Variants in AP2B1 observed in about 807,000 individuals in gnomAD.
AP2B1 encodes the protein adaptor related protein complex 2 subunit beta 1, also known as AP-2 complex subunit beta.
In AP2B1, 23 loss-of-function variants were observed where a neutral mutation model predicts 102.0. That is an observed-to-expected ratio of 0.23 (90% CI 0.16 to 0.32). AP2B1 has a LOEUF of 0.32. Among genes scored for constraint, AP2B1 ranks in the 10% least tolerant of loss-of-function variants. The pLI is 1.00. For synonymous variants in AP2B1, 381 were observed against 421.2 expected (o/e 0.90, Z 1.17); for missense variants, 541 against 1,157.4 (o/e 0.47, Z 7.73).
intron 2 of AP2B1, among the ~76,000 whole-genome samples, chr17:35,596,078 C>T (rs191783454): frequency 3.9e-5 from 6 of 152,116 alleles, no homozygotes; most frequent in Admixed American, 6.6e-5. Flanking sequence ...ATTGTGTTCC[C>T]TGTACTTCCT....
At chr17:35,647,665 G>T (rs528854313) in intron 12 of AP2B1, among the ~76,000 whole-genome samples, 1 of 152,108 alleles carries the variant, frequency 6.6e-6, no homozygotes, top group South Asian at 2.1e-4. Flanking sequence ...AATCCATTAT[G>T]AGTGCAATTT....
chr17:35,617,254 C>A (rs2074049911), intron 5 of AP2B1, among the ~76,000 whole-genome samples: 1 of 152,144 alleles, frequency 6.6e-6, no homozygotes, highest in Non-Finnish European at 1.5e-5. Flanking sequence ...CAGGGTTTCA[C>A]CATGTTGGCC....
chr17:35,610,924 A>AT (rs397766205), intron 5 of AP2B1, among the ~76,000 whole-genome samples: 497 of 148,060 alleles, frequency 3.4e-3, no homozygotes, highest in Non-Finnish European at 5.6e-3. Context: ...AAAAAAAAAA[A>AT]TTTTGTTGGA....
intron 18 of AP2B1, among the ~76,000 whole-genome samples, chr17:35,684,198 A>C (rs1045377827): frequency 7.9e-5 from 12 of 152,212 alleles, no homozygotes; most frequent in African/African-American, 2.9e-4. Flanking sequence ...GGAGAGAGAG[A>C]GAAAGATACA....
In AP2B1 at chr17:35,709,211, G is replaced by A; in HGVS notation, c.2455-13G>A. 1 of 1,613,674 alleles carries A rather than the reference G, an allele frequency of 6.2e-7. No individual in the cohort carries two copies. Among genetic ancestry groups the A allele is most frequent in the Non-Finnish European group, 8.5e-7 (1 of 1,179,634 alleles). On this transcript the variant is annotated splice_polypyrimidine_tract_variant and intron_variant, in intron 18 of 21. Transcript: ENST00000610402. ...TGCGATGTCCTCATTTGACCTTGTT[G>A]CTTTCCTGGCAGGTGGCTGTGAAAA... is the stretch of plus-strand genomic sequence containing the variant.
chr17:35,689,689 G>A (rs1016432284), intron 18 of AP2B1, among the ~76,000 whole-genome samples: 2 of 152,038 alleles, frequency 1.3e-5, no homozygotes, highest in African/African-American at 2.4e-5. Flanking sequence ...TAATATGATA[G>A]CCACTAGCCA....
At chr17:35,656,551 C>T (rs1265504730) in intron 13 of AP2B1, among the ~76,000 whole-genome samples, 1 of 152,140 alleles carries the variant, frequency 6.6e-6, no homozygotes, top group Admixed American at 6.6e-5. Context: ...TTTTTAGTTT[C>T]TGTTCTTTGT....
At chr17:35,634,657 A>T (rs2074556439) in intron 9 of AP2B1, among the ~76,000 whole-genome samples, 1 of 152,204 alleles carries the variant, frequency 6.6e-6, no homozygotes, top group African/African-American at 2.4e-5. Context: ...AATGCCATAG[A>T]CTTTTAAGTT....
At chr17:35,597,853 G>T (rs184364895) in intron 2 of AP2B1, among the ~76,000 whole-genome samples, 6 of 152,238 alleles carry the variant, frequency 3.9e-5, no homozygotes, top group Non-Finnish European at 5.9e-5. Context: ...GAGGTAATAC[G>T]CGCCTGCTCC....
rs370290058 is a variant in AP2B1, at chr17:35,691,721, A to G, written c.2454+8897A>G. On this transcript the variant is annotated intron_variant, in intron 18 of 21. Transcript: ENST00000610402. ...CTATCCAAATGATCCCTGTAGACCT[A>G]AAAATATTCCACCTAAAATATTCCA... Among the ~76,000 whole-genome samples, 24 of 152,336 alleles carry G rather than the reference A, an allele frequency of 1.6e-4. No homozygotes were observed. The South Asian group carries it at 3.5e-3, about 22-fold the overall frequency.
intron 16 of AP2B1, among the ~76,000 whole-genome samples, chr17:35,673,606 T>A (rs943958844): frequency 7.2e-5 from 11 of 152,230 alleles, no homozygotes; most frequent in African/African-American, 2.7e-4. Context: ...TCAGATTATA[T>A]GAGCAATATC....
chr17:35,700,087 C>A (rs587710225), intron 18 of AP2B1, among the ~76,000 whole-genome samples: 39 of 151,922 alleles, frequency 2.6e-4, no homozygotes, highest in African/African-American at 9.2e-4. Flanking sequence ...CAGAGCAAGA[C>A]CCTGTATCAA....
intron 20 of AP2B1, 98 bp from the exon 21 acceptor site, chr17:35,717,097 G>A (rs1298525428): frequency 7.4e-7 from 1 of 1,349,816 alleles, no homozygotes; most frequent in Non-Finnish European, 1.0e-6. Flanking sequence ...TACTTGTCAG[G>A]GAACTGAACA....
At chr17:35,673,022 C>T (rs977157915) in intron 16 of AP2B1, among the ~76,000 whole-genome samples, 1 of 152,128 alleles carries the variant, frequency 6.6e-6, no homozygotes, top group Admixed American at 6.5e-5. Context: ...ATCCGTATAT[C>T]TACTGAATTG....
intron 18 of AP2B1, among the ~76,000 whole-genome samples, chr17:35,687,481 T>C (rs1479779453): frequency 6.6e-6 from 1 of 152,148 alleles, no homozygotes; most frequent in Non-Finnish European, 1.5e-5. Context: ...TCTACATACT[T>C]TTCATGTTCC....
At chr17:35,659,107 T>C (rs1170972154) in intron 14 of AP2B1, among the ~76,000 whole-genome samples, 2 of 152,234 alleles carry the variant, frequency 1.3e-5, no homozygotes, top group Non-Finnish European at 2.9e-5. Context: ...TATATTGCTG[T>C]ATAGCCTCCT....
At chr17:35,597,883 C>T (rs2073346734) in intron 2 of AP2B1, among the ~76,000 whole-genome samples, 1 of 152,184 alleles carries the variant, frequency 6.6e-6, no homozygotes, top group South Asian at 2.1e-4. Context: ...TTTATGTTCT[C>T]CTCCAGACTT....
intron 13 of AP2B1, among the ~76,000 whole-genome samples, chr17:35,652,961 TC>T (rs1237624401): frequency 6.6e-6 from 1 of 152,222 alleles, no homozygotes; most frequent in African/African-American, 2.4e-5. Flanking sequence ...TTTACTTCTT[TC>T]TTAAAGCCTT....
rs188420209 is a variant in AP2B1, at chr17:35,642,901, G to A, written c.1536+926G>A. On this transcript the variant is annotated intron_variant, in intron 12 of 21. Transcript: ENST00000610402. ...AGCATCTTCCTCTGCCTGAAGCAAAGCAATTATAAACATCAGTGGTTAATA... is the reference window on the plus strand; with the variant it reads ...AGCATCTTCCTCTGCCTGAAGCAAAACAATTATAAACATCAGTGGTTAATA... Among the ~76,000 whole-genome samples the A allele has an allele frequency of 1.9e-3, 285 of 152,202 alleles. 5 individuals carry two copies. Among genetic ancestry groups the A allele is most frequent in the Non-Finnish European group, 2.8e-3 (193 of 67,984 alleles).
Sources: allele counts gnomAD v4.1 joint callset (sites outside exome capture counted in the v4.1 genomes callset), GRCh38; gene constraint gnomAD v4.1.1; transcripts MANE v1.5; gene names NCBI Gene and HGNC (gene_info 2026-07-23, HGNC 2026-07-21).